FHIT: variants seen among roughly 807,000 people sequenced by gnomAD.
FHIT encodes the protein bis(5'-adenosyl)-triphosphatase.
In FHIT, 19 loss-of-function variants were observed where a neutral mutation model predicts 17.9. The observed-to-expected ratio is 1.06, with a 90% confidence interval of 0.74 to 1.56. The LOEUF (loss-of-function observed/expected upper bound fraction) is 1.56. Among genes scored for constraint, FHIT ranks in the 40% most tolerant of loss-of-function variants. The pLI, the probability that FHIT is intolerant of heterozygous loss-of-function variation, is 0.00. For missense variants in FHIT, 248 were observed against 189.2 expected (o/e 1.31, Z -1.82); for synonymous variants, 81 against 69.7 (o/e 1.16, Z -0.81).
chr3:61,179,121 T>C (rs1403030327), intron 2 of FHIT, among the ~76,000 whole-genome samples: 2 of 150,888 alleles, frequency 1.3e-5, no homozygotes, highest in Admixed American at 1.3e-4. Flanking sequence ...GCAATTCTCC[T>C]GTCTCAGCCT....
At chr3:59,760,353 T>A (rs892786878) in intron 8 of FHIT, among the ~76,000 whole-genome samples, 1 of 152,156 alleles carries the variant, frequency 6.6e-6, no homozygotes, top group East Asian at 1.9e-4. Flanking sequence ...CAGACCCCAA[T>A]TGCTTATCCA....
chr3:60,782,430 G>T (rs992762497), intron 4 of FHIT, among the ~76,000 whole-genome samples: 3 of 152,272 alleles, frequency 2.0e-5, no homozygotes, highest in Admixed American at 1.3e-4. Context: ...GTGAGGCAAG[G>T]ACCAGATGAG....
At chr3:60,993,038 G>A (rs1052947215) in intron 3 of FHIT, among the ~76,000 whole-genome samples, 6 of 152,084 alleles carry the variant, frequency 3.9e-5, no homozygotes, top group South Asian at 2.1e-4. Flanking sequence ...AAGATCAGCC[G>A]AAAATGTGCC....
chr3:59,968,481 T>C (rs1708033678), intron 7 of FHIT, among the ~76,000 whole-genome samples: 1 of 151,954 alleles, frequency 6.6e-6, no homozygotes, highest in Non-Finnish European at 1.5e-5. Flanking sequence ...AAAAAAATAG[T>C]TGTACCTTCA....
chr3:61,204,725 C>T (rs1015636062), intron 1 of FHIT, among the ~76,000 whole-genome samples: 2 of 151,690 alleles, frequency 1.3e-5, no homozygotes, highest in African/African-American at 4.8e-5. Context: ...GTACACACCA[C>T]GGAAATAGGA....
chr3:60,210,666 A>G (rs1292748165), intron 5 of FHIT, among the ~76,000 whole-genome samples: 2 of 152,194 alleles, frequency 1.3e-5, no homozygotes, highest in African/African-American at 4.8e-5. Context: ...TGTGCTGTTA[A>G]TATGACAAAT....
chr3:60,818,087 T>C (rs1032459045), intron 4 of FHIT, among the ~76,000 whole-genome samples: 2 of 152,142 alleles, frequency 1.3e-5, no homozygotes. Context: ...TTTTTCAGTT[T>C]CAGGATTTCT....
intron 8 of FHIT, among the ~76,000 whole-genome samples, chr3:59,842,542 CAT>C (rs551287757): frequency 2.9e-3 from 436 of 152,288 alleles, no homozygotes; most frequent in African/African-American, 9.9e-3. Flanking sequence ...CAACAGTGCA[CAT>C]GAGTTCCAAT....
chr3:59,917,615 T>C (rs796143379), intron 8 of FHIT, among the ~76,000 whole-genome samples: 65 of 151,316 alleles, frequency 4.3e-4, no homozygotes, highest in African/African-American at 1.5e-3. Flanking sequence ...GTAGAAAGAG[T>C]TTGGGAGCTA....
intron 5 of FHIT, among the ~76,000 whole-genome samples, chr3:60,123,402 G>C (rs963163715): frequency 4.6e-5 from 7 of 152,094 alleles, no homozygotes; most frequent in Non-Finnish European, 7.4e-5. Flanking sequence ...TAAAGTCAAA[G>C]ACATTGTCTT....
intron 4 of FHIT, chr3:60,617,064 G>T (rs1056245423): frequency 9.3e-6 from 2 of 215,590 alleles, no homozygotes; most frequent in South Asian, 8.3e-5. Flanking sequence ...GCAAAGAAAC[G>T]ACAGCCTGGA....
Position 60,603,473 on chromosome 3 carries a change from G to A in FHIT, c.-17-66494C>T, listed in dbSNP as rs541954611. On this transcript the variant is annotated intron_variant, in intron 4 of 9. Coordinates refer to ENST00000492590, the MANE Select transcript of FHIT (RefSeq NM_002012.4). ...GTACATGTGTATTAAGAGATGTTTAGAACGATGCTCTTCAACTGTTCAGAG... is the reference window on the plus strand; with the variant it reads ...GTACATGTGTATTAAGAGATGTTTAAAACGATGCTCTTCAACTGTTCAGAG... 4.6e-5 allele frequency among the ~76,000 whole-genome samples: 7 copies of A among 151,562 alleles called. No individual in the cohort carries two copies. The South Asian group carries it at 1.5e-3, about 32-fold the overall frequency.
At chr3:60,884,526 T>A (rs184599240) in intron 3 of FHIT, among the ~76,000 whole-genome samples, 4 of 152,278 alleles carry the variant, frequency 2.6e-5, no homozygotes, top group Admixed American at 2.0e-4. Context: ...AATGAAATAC[T>A]ATTCCGCTTA....
chr3:60,692,901 G>C (rs977515696), intron 4 of FHIT, among the ~76,000 whole-genome samples: 1 of 152,138 alleles, frequency 6.6e-6, no homozygotes, highest in Non-Finnish European at 1.5e-5. Context: ...TTTCTGATTA[G>C]CGTTTGCATG....
At chr3:60,280,499 A>G (rs1340464601) in intron 5 of FHIT, among the ~76,000 whole-genome samples, 1 of 152,178 alleles carries the variant, frequency 6.6e-6, no homozygotes, top group Non-Finnish European at 1.5e-5. Context: ...CTTATAAGGT[A>G]GAGGCAAAGG....
In FHIT at chr3:60,700,986, T is replaced by C. The variant is rs367769890; in HGVS notation, c.-18+120933A>G. On this transcript the variant is annotated intron_variant, in intron 4 of 9. Coordinates refer to ENST00000492590, the MANE Select transcript of FHIT (RefSeq NM_002012.4). ...TTATATTGTTTAATGTACATTCATA[T>C]ATTTAATTCATCTGAATTTTTAGAT... Among the ~76,000 whole-genome samples the C allele has an allele frequency of 5.4e-4, 82 of 152,338 alleles. 2 individuals carry two copies. In the South Asian group the frequency reaches 0.017, roughly 31 times the overall value.
rs1328858765 is a variant in FHIT at position 60,597,044 on chromosome 3, A to C, written c.-17-60065T>G. 3.3e-5 allele frequency among the ~76,000 whole-genome samples: 5 copies of C among 152,140 alleles called. No homozygotes were observed. In the East Asian group the frequency reaches 9.6e-4, roughly 29 times the overall value. ...TGCTTCCCAAATTATTTTACACAGC[A>C]CCATCCCCACCTCATTTCCTGTGCT... On this transcript the variant is annotated intron_variant, in intron 4 of 9. Transcript: ENST00000492590.
intron 1 of FHIT, among the ~76,000 whole-genome samples, chr3:61,247,740 T>C (rs947824209): frequency 3.3e-5 from 5 of 152,206 alleles, no homozygotes; most frequent in African/African-American, 1.2e-4. Context: ...CTTGAGGAAA[T>C]GTGAATTTTC....
At chr3:61,241,953 T>C (rs1051506255) in intron 1 of FHIT, among the ~76,000 whole-genome samples, 6 of 152,184 alleles carry the variant, frequency 3.9e-5, no homozygotes, top group Non-Finnish European at 7.3e-5. Context: ...TCTTTTTCTC[T>C]GTATGGAGTG....
Sources: allele counts gnomAD v4.1 joint callset (sites outside exome capture counted in the v4.1 genomes callset), GRCh38; gene constraint gnomAD v4.1.1; transcripts MANE v1.5; gene names NCBI Gene and HGNC (gene_info 2026-07-23, HGNC 2026-07-21).